Variants in SLC6A11 observed in about 807,000 individuals in gnomAD.
SLC6A11 encodes sodium- and chloride-dependent GABA transporter 3.
Under a neutral mutation model 74.8 loss-of-function variants are expected in SLC6A11, and 25 were observed. That is an observed-to-expected ratio of 0.33 (90% CI 0.24 to 0.47). The LOEUF is 0.47. Among genes scored for constraint, SLC6A11 ranks in the 20% least tolerant of loss-of-function variants. SLC6A11 has a pLI of 1.00. For synonymous variants in SLC6A11, 330 were observed against 330.2 expected (o/e 1.00, Z 0.01); for missense variants, 574 against 837.0 (o/e 0.69, Z 3.88).
chr3:10,827,648 C>T (rs1251585835), intron 4 of SLC6A11, among the ~76,000 whole-genome samples: 2 of 152,182 alleles, frequency 1.3e-5, no homozygotes, highest in Non-Finnish European at 2.9e-5. Context: ...ATTTGACAAA[C>T]ATCTGAGCTC....
At chr3:10,873,461 T>C (rs6780274) in intron 5 of SLC6A11, among the ~76,000 whole-genome samples, 5,494 of 117,772 alleles carry the variant, frequency 0.047, 313 homozygotes, top group African/African-American at 0.17. Context: ...TATGGCATGC[T>C]ATCCTACCCT....
chr3:10,912,284 G>A (rs764557542), intron 7 of SLC6A11, 91 bp downstream of exon 7: 11 of 880,392 alleles, frequency 1.2e-5, no homozygotes, highest in Non-Finnish European at 2.1e-5. Flanking sequence ...TGCCCACCTT[G>A]CAGGGCCCCA....
chr3:10,901,858 A>T (rs1695244846), intron 6 of SLC6A11, among the ~76,000 whole-genome samples: 1 of 152,248 alleles, frequency 6.6e-6, no homozygotes, highest in South Asian at 2.1e-4. Context: ...TTTTCATGTA[A>T]TCATTCACTT....
intron 5 of SLC6A11, among the ~76,000 whole-genome samples, chr3:10,862,359 C>G (rs954555995): frequency 8.5e-5 from 13 of 152,098 alleles, no homozygotes; most frequent in Admixed American, 6.5e-4. Flanking sequence ...TTTTCATGGT[C>G]TTTATGGTAG....
intron 5 of SLC6A11, among the ~76,000 whole-genome samples, chr3:10,852,787 G>A (rs947176106): frequency 2.0e-5 from 3 of 152,260 alleles, no homozygotes; most frequent in Admixed American, 6.5e-5. Context: ...ATGAGGCACA[G>A]TGCTTTGGAA....
In SLC6A11 at chr3:10,933,273, G is replaced by A. The variant is rs774708347; in HGVS notation, c.1474+20G>A. 3.7e-5 allele frequency: 57 copies of A among 1,556,916 alleles called. No homozygotes were observed. The highest frequency in any genetic ancestry group is 1.6e-4 in the East Asian group (7 of 44,572). On this transcript the variant is annotated intron_variant, in intron 11 of 13. Coordinates refer to ENST00000254488, the MANE Select transcript of SLC6A11 (RefSeq NM_014229.3). ...TGTATGGTGAGTAGCAGCCAAGCCC[G>A]TCCACACCCCAGCTGCCCACCAGGT...
intron 6 of SLC6A11, among the ~76,000 whole-genome samples, chr3:10,875,834 C>T (rs371484705): frequency 3.5e-4 from 53 of 152,292 alleles, no homozygotes; most frequent in South Asian, 6.2e-4. Flanking sequence ...CTCAGCTACA[C>T]GTCAGAAACT....
rs201865157 is a variant in SLC6A11, at chr3:10,878,721, C to CT, written c.891+3629dup. Among the ~76,000 whole-genome samples, 1,385 of 152,138 alleles carry CT rather than the reference C, an allele frequency of 9.1e-3. 77 individuals carry two copies. In the South Asian group the frequency reaches 0.11, roughly 12 times the overall value. ...ATCCACCGTGCCTGGCCCACTCATC[C>CT]TTTAGGACTGAGTTTAAACATCACT... On this transcript the variant is annotated intron_variant, in intron 6 of 13. Transcript: ENST00000254488.
intron 6 of SLC6A11, among the ~76,000 whole-genome samples, chr3:10,883,149 A>G (rs1011675036): frequency 6.6e-6 from 1 of 152,226 alleles, no homozygotes; most frequent in African/African-American, 2.4e-5. Flanking sequence ...TTGAAGCGAC[A>G]CAGCAGCTTG....
chr3:10,838,554 G>A (rs763633826), intron 4 of SLC6A11, among the ~76,000 whole-genome samples: 1 of 152,200 alleles, frequency 6.6e-6, no homozygotes, highest in Admixed American at 6.5e-5. Context: ...TTCAAGACCA[G>A]CCTGGCCAAT....
rs559251712 is a variant in SLC6A11, at chr3:10,816,381, CGCGCGTCAA to C, written c.122_130del (p.Val41_Arg43del). On this transcript the variant is annotated inframe_deletion, in exon 1 of 14. Coordinates refer to ENST00000254488, the MANE Select transcript of SLC6A11 (RefSeq NM_014229.3). The surrounding 1 kb of genome is among the most constrained non-coding windows in gnomAD (Gnocchi z 4.2). ...GGGGGCGCGGCGCCCGCGCGCCACCCGCGCGTCAAGCGCGACAAGGCGGTCCACGAGCGC... is the reference window on the plus strand; with the variant it reads ...GGGGGCGCGGCGCCCGCGCGCCACCCGCGCGACAAGGCGGTCCACGAGCGC... 201 of 1,505,866 alleles carry C rather than the reference CGCGCGTCAA, an allele frequency of 1.3e-4. 1 individual carries two copies. In the East Asian group the frequency reaches 5.1e-3, roughly 38 times the overall value. 93.3% of individuals were successfully genotyped at this position (1,505,866 alleles called of 1,614,324 possible).
intron 5 of SLC6A11, among the ~76,000 whole-genome samples, chr3:10,863,783 G>A (rs1427245408): frequency 6.6e-6 from 1 of 152,178 alleles, no homozygotes; most frequent in Admixed American, 6.5e-5. Context: ...AGGCAGGGAA[G>A]TGAAGGGTTT....
At chr3:10,916,604 A>G (rs1285925619) in intron 7 of SLC6A11, among the ~76,000 whole-genome samples, 1 of 152,198 alleles carries the variant, frequency 6.6e-6, no homozygotes, top group East Asian at 1.9e-4. Flanking sequence ...GACAAATCCA[A>G]TCATGCAAGC....
At chr3:10,890,393 A>G (rs1695093694) in intron 6 of SLC6A11, among the ~76,000 whole-genome samples, 1 of 152,170 alleles carries the variant, frequency 6.6e-6, no homozygotes, top group Admixed American at 6.5e-5. Flanking sequence ...TCTTTGGAAG[A>G]AAAGACTGCA....
At position 10,816,670 on chromosome 3, in the gene SLC6A11, G is replaced by A; in HGVS notation, c.256+149G>A. The A allele has an allele frequency of 9.4e-6, 8 of 851,676 alleles. No individual in the cohort carries two copies. Among genetic ancestry groups the A allele is most frequent in the Non-Finnish European group, 1.0e-5 (6 of 584,998 alleles). The allele number at this position is 851,676 out of a possible 1,614,324, so 52.8% of individuals were successfully genotyped here. The stretch of plus-strand genomic sequence containing the variant: ...CTCCAGGCACCTCGCGTGTGAGCTC[G>A]CCCCGGAGCGCGGCCCACCTGTGCC... On this transcript the variant is annotated intron_variant, in intron 1 of 13. Transcript: ENST00000254488. This position sits in a 1 kb window ranked among gnomAD's most constrained non-coding sequence, Gnocchi z 4.2.
chr3:10,849,542 C>T (rs1351919733), intron 5 of SLC6A11, among the ~76,000 whole-genome samples: 4 of 152,088 alleles, frequency 2.6e-5, no homozygotes, highest in Admixed American at 1.3e-4. Flanking sequence ...TTGTTTCCCA[C>T]GCACATATTC....
intron 7 of SLC6A11, among the ~76,000 whole-genome samples, chr3:10,913,113 A>G (rs1695409813): frequency 6.7e-6 from 1 of 149,744 alleles, no homozygotes; most frequent in Non-Finnish European, 1.5e-5. Context: ...TGGGGAAATC[A>G]TCAAATTAGA....
At chr3:10,923,250 T>TAAA (rs34205263) in intron 8 of SLC6A11, among the ~76,000 whole-genome samples, 2 of 142,440 alleles carry the variant, frequency 1.4e-5, no homozygotes, top group Non-Finnish European at 1.5e-5. Flanking sequence ...ATTCTTCAAT[T>TAAA]AAAAAAAAAA....
rs143022240 is a variant in SLC6A11 at position 10,932,634 on chromosome 3, G to A, written c.1372-517G>A. Among the ~76,000 whole-genome samples the A allele has an allele frequency of 3.3e-5, 5 of 152,310 alleles. No individual in the cohort carries two copies. In the East Asian group the frequency reaches 9.6e-4, roughly 29 times the overall value. On this transcript the variant is annotated intron_variant, in intron 10 of 13. Coordinates refer to ENST00000254488, the MANE Select transcript of SLC6A11 (RefSeq NM_014229.3). Reference sequence around the variant, plus strand: ...GGCTGTCCCTTGGTCTGTCCAGGAGGGACTGTGGGAAGGGAGATGAGGCCA... The same window carrying A: ...GGCTGTCCCTTGGTCTGTCCAGGAGAGACTGTGGGAAGGGAGATGAGGCCA...
Sources: allele counts gnomAD v4.1 joint callset (sites outside exome capture counted in the v4.1 genomes callset), GRCh38; gene constraint gnomAD v4.1.1; non-coding constraint Gnocchi (gnomAD v3.1); transcripts MANE v1.5; gene names NCBI Gene and HGNC (gene_info 2026-07-23, HGNC 2026-07-21).